The following COL14A1 variants were observed in gnomAD, a reference collection of about 807,000 sequenced individuals.
The protein encoded by COL14A1 is collagen type XIV alpha 1 chain, also known as collagen alpha-1(XIV) chain.
COL14A1 carries 136 observed loss-of-function variants against 230.3 expected under a neutral mutation model. That is an observed-to-expected ratio of 0.59 (90% CI 0.51 to 0.68). The LOEUF is 0.68. Among genes scored for constraint, COL14A1 ranks in the 30% least tolerant of loss-of-function variants. COL14A1 has a pLI of 0.00. For synonymous variants in COL14A1, 792 were observed against 784.1 expected, an observed-to-expected ratio of 1.01 and a Z score of -0.17; for missense variants, 1,976 against 2,215.8, an observed-to-expected ratio of 0.89 and a Z score of 2.17.
At chr8:120,218,254 A>T (rs965929705) in intron 14 of COL14A1, among the ~76,000 whole-genome samples, 4 of 110,174 alleles carry the variant, frequency 3.6e-5, no homozygotes, top group African/African-American at 1.0e-4. Context: ...ATATATAAGT[A>T]TATGTCTATA....
At chr8:120,298,597 T>TTATTTATATA (rs1554620765) in intron 35 of COL14A1, among the ~76,000 whole-genome samples, 3 of 57,988 alleles carry the variant, frequency 5.2e-5, no homozygotes, top group African/African-American at 2.1e-4. Context: ...CCCATATATT[T>TTATTTATATA]TATATATATA....
At chr8:120,325,658 A>G (rs1821638065) in intron 40 of COL14A1, among the ~76,000 whole-genome samples, 1 of 151,976 alleles carries the variant, frequency 6.6e-6, no homozygotes, top group Non-Finnish European at 1.5e-5. Context: ...GCACCCAGCT[A>G]GTTTTTGTAT....
intron 22 of COL14A1, 124 bp downstream of exon 22, chr8:120,250,890 A>G (rs960102160): frequency 2.9e-6 from 3 of 1,047,348 alleles, no homozygotes; most frequent in Non-Finnish European, 4.1e-6. Flanking sequence ...TCACTGAAAC[A>G]TCCGCCTCCA....
chr8:120,298,120 C>T (rs966110057), intron 35 of COL14A1, among the ~76,000 whole-genome samples: 2 of 151,986 alleles, frequency 1.3e-5, no homozygotes, highest in African/African-American at 4.8e-5. Flanking sequence ...CACTGCCATC[C>T]TCACTTCTTT....
At chr8:120,125,766 G>A (rs551358325) in intron 1 of COL14A1, among the ~76,000 whole-genome samples, 33 of 152,134 alleles carry the variant, frequency 2.2e-4, no homozygotes, top group Non-Finnish European at 4.4e-4. Context: ...TGTGCATAAA[G>A]AACACGCTGT....
chr8:120,149,914 G>A (rs1815224942), intron 2 of COL14A1, among the ~76,000 whole-genome samples: 2 of 151,944 alleles, frequency 1.3e-5, no homozygotes, highest in African/African-American at 4.8e-5. Flanking sequence ...GGCTGGTCTC[G>A]AACTCCTGAC....
intron 23 of COL14A1, among the ~76,000 whole-genome samples, chr8:120,262,044 T>C (rs1819343739): frequency 6.6e-6 from 1 of 152,130 alleles, no homozygotes; most frequent in South Asian, 2.1e-4. Context: ...CATACCTGTA[T>C]CTTTAGACCA....
At chr8:120,274,596 A>G (rs1011504775) in intron 26 of COL14A1, among the ~76,000 whole-genome samples, 1 of 151,742 alleles carries the variant, frequency 6.6e-6, no homozygotes, top group Non-Finnish European at 1.5e-5. Context: ...TCTCCAAAAG[A>G]CTCCTAGATT....
At position 120,289,653 on chromosome 8, in the gene COL14A1, TGCAA is replaced by T. The variant is rs1287381876; in HGVS notation, c.4129_4132del (p.Gln1377TrpfsTer6). ...GACTTTGGTCAAAGTGGTTATTGACTGCAAGCAAGTGGGTGAGAAGGCAATGAAC... is the reference window on the plus strand; with the variant it reads ...GACTTTGGTCAAAGTGGTTATTGACTGCAAGTGGGTGAGAAGGCAATGAAC... On this transcript the variant is annotated frameshift_variant, in exon 34 of 48. Coordinates refer to ENST00000297848, the MANE Select transcript of COL14A1 (RefSeq NM_021110.4). LOFTEE classifies it high-confidence loss of function. 6.2e-7 allele frequency: 1 copy of T among 1,614,106 alleles called. No homozygotes were observed. The highest frequency in any genetic ancestry group is 2.2e-5 in the East Asian group (1 of 44,860).
intron 21 of COL14A1, among the ~76,000 whole-genome samples, chr8:120,249,858 A>G (rs1818885675): frequency 6.6e-6 from 1 of 152,198 alleles, no homozygotes; most frequent in Non-Finnish European, 1.5e-5. Context: ...ACACATACAG[A>G]GATAGACATA....
At chr8:120,367,990 T>G (rs1418856143) in intron 46 of COL14A1, among the ~76,000 whole-genome samples, 1 of 150,806 alleles carries the variant, frequency 6.6e-6, no homozygotes, top group Non-Finnish European at 1.5e-5. Context: ...CTAAACAGAA[T>G]GAGATGTCAC....
chr8:120,270,246 T>A, intron 26 of COL14A1, 72 bp downstream of exon 26: 1 of 1,420,498 alleles, frequency 7.0e-7, no homozygotes, highest in Non-Finnish European at 9.6e-7. Context: ...TACAGCTACT[T>A]GTCAGGGACT....
chr8:120,195,536 A>G (rs747153958), intron 5 of COL14A1, among the ~76,000 whole-genome samples: 14 of 152,288 alleles, frequency 9.2e-5, no homozygotes, highest in Non-Finnish European at 1.8e-4. Flanking sequence ...TAATAAAGAC[A>G]TACTCGAGAC....
intron 19 of COL14A1, among the ~76,000 whole-genome samples, chr8:120,236,295 G>A (rs754801874): frequency 1.3e-5 from 2 of 152,192 alleles, no homozygotes; most frequent in African/African-American, 2.4e-5. Context: ...GAATCTGGGT[G>A]CTCCTGTGTT....
chr8:120,360,543 C>A (rs1440669263), intron 45 of COL14A1, among the ~76,000 whole-genome samples: 1 of 152,188 alleles, frequency 6.6e-6, no homozygotes, highest in South Asian at 2.1e-4. Context: ...TGCCACCGTG[C>A]CCATCTGTCA....
intron 26 of COL14A1, among the ~76,000 whole-genome samples, chr8:120,273,267 C>T (rs1404613300): frequency 6.6e-6 from 1 of 151,676 alleles, no homozygotes; most frequent in Non-Finnish European, 1.5e-5. Context: ...CACAAGTTGT[C>T]AAAACCTCTG....
intron 45 of COL14A1, among the ~76,000 whole-genome samples, chr8:120,350,231 A>C (rs1198351571): frequency 6.6e-6 from 1 of 152,198 alleles, no homozygotes; most frequent in Non-Finnish European, 1.5e-5. Flanking sequence ...GAGCTCCTGA[A>C]GGAAGCAATA....
chr8:120,322,856 C>T (rs1048584689), intron 40 of COL14A1, among the ~76,000 whole-genome samples: 2 of 152,120 alleles, frequency 1.3e-5, no homozygotes, highest in African/African-American at 4.8e-5. Context: ...CTGCAATGAA[C>T]CCACCCACAC....
intron 23 of COL14A1, among the ~76,000 whole-genome samples, chr8:120,256,898 G>A (rs183623542): frequency 1.8e-4 from 28 of 152,226 alleles, no homozygotes; most frequent in Admixed American, 6.5e-4. Context: ...ATGAAGGAAC[G>A]TGGGTTCCTG....
Sources: gnomAD v4.1 joint callset for allele counts (sites outside exome capture counted in the v4.1 genomes callset) on GRCh38, gnomAD v4.1.1 for gene constraint, MANE v1.5 for transcripts, NCBI Gene and HGNC (gene_info 2026-07-23, HGNC 2026-07-21) for gene names.